Variants in ERAP1 observed in about 807,000 individuals in gnomAD.
ERAP1 encodes endoplasmic reticulum aminopeptidase 1.
In ERAP1, 86 loss-of-function variants were observed where a neutral mutation model predicts 103.7. The ratio of observed to expected loss-of-function variants is 0.83; its 90% CI spans 0.70 to 0.99. The LOEUF is 0.99. Ranked by LOEUF, ERAP1 falls within the 50% of genes least tolerant of loss-of-function variation. The pLI, the probability that ERAP1 is intolerant of heterozygous loss-of-function variation, is 0.00. For missense variants in ERAP1, 1,009 were observed against 1,128.4 expected, an observed-to-expected ratio of 0.89 and a Z score of 1.52; for synonymous variants, 398 against 402.4, an observed-to-expected ratio of 0.99 and a Z score of 0.13.
At chr5:96,782,219 C>T (rs1044229769) in intron 15 of ERAP1, among the ~76,000 whole-genome samples, 4 of 151,886 alleles carry the variant, frequency 2.6e-5, no homozygotes, top group Admixed American at 6.6e-5. Flanking sequence ...CCGTCTTAGC[C>T]AGGATGGTCT....
chr5:96,791,976 C>G (rs888135269), intron 8 of ERAP1, 85 bp downstream of exon 8: 6 of 1,511,734 alleles, frequency 4.0e-6, no homozygotes, highest in South Asian at 2.3e-5. Flanking sequence ...TGGGTTTAAC[C>G]CCACAACCTT....
the ERAP1 span, among the ~76,000 whole-genome samples, chr5:96,838,078 G>A: frequency 6.6e-6 from 1 of 152,092 alleles, no homozygotes; most frequent in Admixed American, 6.5e-5. Context: ...GCCATGGGTG[G>A]TTTTGGGAAA....
the ERAP1 span, among the ~76,000 whole-genome samples, chr5:96,832,406 C>T: frequency 1.3e-5 from 2 of 152,134 alleles, no homozygotes; most frequent in Non-Finnish European, 2.9e-5. Flanking sequence ...CACCTATGAA[C>T]ACCAAGTCGA....
At chr5:96,890,619 C>T in the ERAP1 span, among the ~76,000 whole-genome samples, 2 of 152,314 alleles carry the variant, frequency 1.3e-5, no homozygotes, top group African/African-American at 2.4e-5. Flanking sequence ...GGATATACTT[C>T]TTATCCTGTC....
chr5:96,864,216 A>C, the ERAP1 span, among the ~76,000 whole-genome samples: 1 of 152,202 alleles, frequency 6.6e-6, no homozygotes, highest in East Asian at 1.9e-4. Flanking sequence ...CTTTCCTTGT[A>C]CTTAGATTTA....
chr5:96,903,507 T>C, the ERAP1 span: 3 of 1,613,902 alleles, frequency 1.9e-6, no homozygotes, highest in Non-Finnish European at 2.5e-6. Context: ...ACCACACACT[T>C]CTCAGACCTA....
the ERAP1 span, among the ~76,000 whole-genome samples, chr5:96,882,409 A>T: frequency 2.0e-5 from 3 of 152,296 alleles, no homozygotes; most frequent in South Asian, 6.2e-4. Context: ...ATGGTTAATT[A>T]GTCAGTTCCC....
rs572112773 is a variant in ERAP1 at position 96,789,236 on chromosome 5, T to C, written c.1525-551A>G. On this transcript the variant is annotated intron_variant, in intron 10 of 18. Coordinates refer to ENST00000443439, the MANE Select transcript of ERAP1 (RefSeq NM_001040458.3). ...GCGCGGTGGCTCATGCCTGTAATCC[T>C]AGCACTTTCGGAGTCTGAGTTGGGT... 1.5e-4 allele frequency among the ~76,000 whole-genome samples: 23 copies of C among 152,296 alleles called. No homozygotes were observed. In the East Asian group the frequency reaches 4.2e-3, roughly 28 times the overall value.
chr5:96,805,950 G>A (rs972850425), intron 1 of ERAP1: 1 of 152,364 alleles, frequency 6.6e-6, no homozygotes, highest in Non-Finnish European at 1.5e-5. Context: ...TTGGTACCGG[G>A]ACCTTGGATC....
In ERAP1 at chr5:96,775,521, G is replaced by T; in HGVS notation, c.*875C>A. ...TCAGAAGAGATACTGTACCAGTCAG[G>T]GAAATAGATGACACTCACTCAGAAT... is the stretch of plus-strand genomic sequence containing the variant. On this transcript the variant is annotated 3_prime_UTR_variant, in exon 19 of 19. Transcript: ENST00000443439. The T allele has an allele frequency of 1.1e-6, 1 of 906,014 alleles. No homozygotes were observed. The allele number at this position is 906,014 out of a possible 1,614,324, so 56.1% of individuals were successfully genotyped here.
At chr5:96,875,609 G>A in the ERAP1 span, among the ~76,000 whole-genome samples, 2 of 151,890 alleles carry the variant, frequency 1.3e-5, no homozygotes, top group African/African-American at 2.4e-5. Context: ...CAGAATCAAA[G>A]TAACTAACTA....
At chr5:96,889,824 A>G in the ERAP1 span, among the ~76,000 whole-genome samples, 1 of 107,666 alleles carries the variant, frequency 9.3e-6, no homozygotes, top group Non-Finnish European at 1.8e-5. Flanking sequence ...TTCCATTAAA[A>G]AATACATACA....
chr5:96,902,437 A>G, the ERAP1 span: 2 of 781,324 alleles, frequency 2.6e-6, no homozygotes, highest in East Asian at 5.2e-5. Context: ...TACAATAAGT[A>G]AATCTAACAA....
chr5:96,932,771 C>T, the ERAP1 span, among the ~76,000 whole-genome samples: 1 of 152,054 alleles, frequency 6.6e-6, no homozygotes, highest in Non-Finnish European at 1.5e-5. Flanking sequence ...TAAACAAATG[C>T]AATTTGTTTT....
rs77711242 is a variant in ERAP1 at position 96,782,671 on chromosome 5, G to C, written c.2285+380C>G. Among the ~76,000 whole-genome samples, 33 of 152,324 alleles carry C rather than the reference G, an allele frequency of 2.2e-4. No homozygotes were observed. The East Asian group carries it at 5.2e-3, about 24-fold the overall frequency. ...ATACGGTAAAATCCTACCTTGCTTAGACAGTGTCAGCAATTACTATGCATC... is the reference window on the plus strand; with the variant it reads ...ATACGGTAAAATCCTACCTTGCTTACACAGTGTCAGCAATTACTATGCATC... On this transcript the variant is annotated intron_variant, in intron 15 of 18. Coordinates refer to ENST00000443439, the MANE Select transcript of ERAP1 (RefSeq NM_001040458.3).
chr5:96,800,719 T>C, intron 3 of ERAP1, 143 bp downstream of exon 3: 4 of 891,178 alleles, frequency 4.5e-6, no homozygotes, highest in South Asian at 3.0e-5. Flanking sequence ...AACAAAAGCA[T>C]AGGTTATAAA....
the ERAP1 span, among the ~76,000 whole-genome samples, chr5:96,816,674 G>A: frequency 2.0e-3 from 305 of 152,228 alleles, 1 homozygote; most frequent in South Asian, 5.4e-3. Context: ...TTAGGCATGC[G>A]TAGATATAGT....
chr5:96,915,578 C>T, the ERAP1 span: 4 of 508,486 alleles, frequency 7.9e-6, no homozygotes, highest in Admixed American at 1.2e-4. Flanking sequence ...TATTGTAATA[C>T]ACAAGCTTAT....
chr5:96,864,774 A>C, the ERAP1 span, among the ~76,000 whole-genome samples: 1 of 152,140 alleles, frequency 6.6e-6, no homozygotes, highest in Non-Finnish European at 1.5e-5. Flanking sequence ...ATTTTCTTAG[A>C]ATATTGGAAA....
Sources: gnomAD v4.1 joint callset for allele counts (sites outside exome capture counted in the v4.1 genomes callset) on GRCh38, gnomAD v4.1.1 for gene constraint, MANE v1.5 for transcripts, NCBI Gene and HGNC (gene_info 2026-07-23, HGNC 2026-07-21) for gene names.